IQCH: variants seen among roughly 807,000 people sequenced by gnomAD.
IQCH encodes IQ domain-containing protein H.
In IQCH, 98 loss-of-function variants were observed where a neutral mutation model predicts 117.0. The ratio of observed to expected loss-of-function variants is 0.84; its 90% CI spans 0.71 to 0.99. The LOEUF is 0.99. Ranked by LOEUF, IQCH falls within the 50% of genes least tolerant of loss-of-function variation. The pLI, the probability that IQCH is intolerant of heterozygous loss-of-function variation, is 0.00. For missense variants in IQCH, 1,102 were observed against 1,243.8 expected, an observed-to-expected ratio of 0.89 and a Z score of 1.72; for synonymous variants, 412 against 448.2, an observed-to-expected ratio of 0.92 and a Z score of 1.02.
chr15:67,367,449 G>A (rs11637059), intron 8 of IQCH, among the ~76,000 whole-genome samples: 67,472 of 151,856 alleles, frequency 0.44, 15,529 homozygotes, highest in Non-Finnish European at 0.52. Flanking sequence ...TGAGGTGAGA[G>A]GATCACTTGT....
intron 5 of IQCH, among the ~76,000 whole-genome samples, chr15:67,339,546 A>T (rs1322762031): frequency 1.3e-5 from 2 of 152,206 alleles, no homozygotes; most frequent in Non-Finnish European, 2.9e-5. Context: ...ATGATCAGTT[A>T]TTTACAAAGT....
intron 12 of IQCH, 150 bp downstream of exon 12, chr15:67,389,156 A>T: frequency 1.6e-6 from 1 of 637,804 alleles, no homozygotes; most frequent in South Asian, 2.3e-5. Context: ...GGTCTGTAGG[A>T]AATAAATATT....
chr15:67,366,891 A>G lies in IQCH; in HGVS notation c.754-5220A>G, dbSNP rs1450001507. On this transcript the variant is annotated intron_variant, in intron 8 of 20. Coordinates refer to ENST00000335894, the MANE Select transcript of IQCH (RefSeq NM_001031715.3). This position sits in a 1 kb window ranked among gnomAD's most constrained non-coding sequence, Gnocchi z 4.4. ...AGAAAGAGTTTTCTATCTGAAAAAT[A>G]GAATACGAAAAAAATCCCCCAGGTT... Among the ~76,000 whole-genome samples, 1 of 152,206 alleles carries G rather than the reference A, an allele frequency of 6.6e-6. No individual in the cohort carries two copies. The highest frequency in any genetic ancestry group is 1.5e-5 in the Non-Finnish European group (1 of 68,042).
At position 67,459,851 on chromosome 15, in the gene IQCH, A is replaced by G. The variant is rs1380795730; in HGVS notation, c.2506-5276A>G. The stretch of plus-strand genomic sequence containing the variant: ...AATGCACTTCTTTACAACCAATCCA[A>G]TAGAAATAGAATTCAGCCAGGCATA... On this transcript the variant is annotated intron_variant, in intron 16 of 20. Transcript: ENST00000335894. This position sits in a 1 kb window ranked among gnomAD's most constrained non-coding sequence, Gnocchi z 4.2. 1 of 152,212 alleles carries G rather than the reference A, an allele frequency of 6.6e-6. No individual in the cohort carries two copies. Among genetic ancestry groups the G allele is most frequent in the African/African-American group, 2.4e-5 (1 of 41,438 alleles). 9.4% of individuals were successfully genotyped at this position (152,212 alleles called of 1,614,324 possible).
chr15:67,347,079 T>C (rs1250439866), intron 6 of IQCH, among the ~76,000 whole-genome samples: 1 of 150,770 alleles, frequency 6.6e-6, no homozygotes, highest in Non-Finnish European at 1.5e-5. Context: ...AAAGAAGAAA[T>C]ATCTCAGATT....
At chr15:67,313,594 C>T (rs1967704864) in intron 4 of IQCH, among the ~76,000 whole-genome samples, 1 of 152,074 alleles carries the variant, frequency 6.6e-6, no homozygotes, top group Non-Finnish European at 1.5e-5. Flanking sequence ...CAAGCAAAGG[C>T]AGAGGTAGAG....
At position 67,447,931 on chromosome 15, in the gene IQCH, A is replaced by G. The variant is rs2082426353; in HGVS notation, c.2506-17196A>G. Among the ~76,000 whole-genome samples the G allele has an allele frequency of 6.6e-6, 1 of 152,214 alleles. No homozygotes were observed. The highest frequency in any genetic ancestry group is 6.5e-5 in the Admixed American group (1 of 15,284). The stretch of plus-strand genomic sequence containing the variant: ...ATCATGACTGCTTATGGTGGCCCAT[A>G]TATTAACCCTCACTGGGCATTAATT... On this transcript the variant is annotated intron_variant, in intron 16 of 20. Transcript: ENST00000335894. The surrounding 1 kb of genome is among the most constrained non-coding windows in gnomAD (Gnocchi z 5.3).
rs1458296256 is a variant in IQCH at position 67,447,448 on chromosome 15, T to C, written c.2506-17679T>C. Among the ~76,000 whole-genome samples the C allele has an allele frequency of 1.3e-5, 2 of 152,204 alleles. No homozygotes were observed. Among genetic ancestry groups the C allele is most frequent in the Non-Finnish European group, 2.9e-5 (2 of 68,030 alleles). Reference sequence around the variant, plus strand: ...ATGGAATCCAGATTCATCTCTCAGATAACTGAATCCAAAAGGTTCCCTTAT... The same window carrying C: ...ATGGAATCCAGATTCATCTCTCAGACAACTGAATCCAAAAGGTTCCCTTAT... On this transcript the variant is annotated intron_variant, in intron 16 of 20. Coordinates refer to ENST00000335894, the MANE Select transcript of IQCH (RefSeq NM_001031715.3). The surrounding 1 kb of genome is among the most constrained non-coding windows in gnomAD (Gnocchi z 5.3).
chr15:67,298,469 C>G (rs1966875978), intron 4 of IQCH, among the ~76,000 whole-genome samples: 1 of 152,048 alleles, frequency 6.6e-6, no homozygotes, highest in Non-Finnish European at 1.5e-5. Context: ...CAGGCAATAA[C>G]AAATGCTGGC....
intron 7 of IQCH, among the ~76,000 whole-genome samples, chr15:67,358,556 T>C (rs1213458110): frequency 6.6e-6 from 1 of 152,106 alleles, no homozygotes; most frequent in African/African-American, 2.4e-5. Context: ...CTTATGGAGA[T>C]TCCCCCAGTT....
At chr15:67,378,074 C>T (rs1297897168) in intron 10 of IQCH, among the ~76,000 whole-genome samples, 1 of 152,114 alleles carries the variant, frequency 6.6e-6, no homozygotes, top group Non-Finnish European at 1.5e-5. Context: ...ATATGCTGAA[C>T]TGAGAAAGTC....
chr15:67,348,889 G>T (rs1015297610), intron 6 of IQCH, among the ~76,000 whole-genome samples: 4 of 152,174 alleles, frequency 2.6e-5, no homozygotes, highest in African/African-American at 9.7e-5. Flanking sequence ...GGACCGTGTG[G>T]TATTGGCAAA....
rs10468042 is a variant in IQCH at position 67,480,895 on chromosome 15, T to C, written c.2799+5077T>C. ...GCCGACTGCATTTGGCAAGGTATTATACAAAAAATATGAGCTTCTGAATGA... is the reference window on the plus strand; with the variant it reads ...GCCGACTGCATTTGGCAAGGTATTACACAAAAAATATGAGCTTCTGAATGA... On this transcript the variant is annotated intron_variant, in intron 18 of 20. Coordinates refer to ENST00000335894, the MANE Select transcript of IQCH (RefSeq NM_001031715.3). 6.1e-3 allele frequency among the ~76,000 whole-genome samples: 929 copies of C among 151,994 alleles called. 5 individuals are homozygous for C. Among genetic ancestry groups the C allele is most frequent in the Non-Finnish European group, 0.011 (740 of 67,990 alleles).
intron 6 of IQCH, among the ~76,000 whole-genome samples, chr15:67,346,011 T>C (rs946008458): frequency 6.6e-6 from 1 of 152,128 alleles, no homozygotes; most frequent in African/African-American, 2.4e-5. Context: ...AAATAAATTA[T>C]AGGACTAGAC....
intron 6 of IQCH, among the ~76,000 whole-genome samples, chr15:67,350,740 A>G (rs1170345200): frequency 1.3e-5 from 2 of 152,008 alleles, no homozygotes; most frequent in African/African-American, 2.4e-5. Context: ...ATTATTTTAT[A>G]TCTTGATTGT....
Position 67,401,730 on chromosome 15 carries a change from A to G in IQCH, c.2097+1425A>G, listed in dbSNP as rs907329666. ...AAATGGACTAAATGCAGTACCTGTCATGGCCAGCTTTTTACATATTATTTA... is the reference window on the plus strand; with the variant it reads ...AAATGGACTAAATGCAGTACCTGTCGTGGCCAGCTTTTTACATATTATTTA... On this transcript the variant is annotated intron_variant, in intron 14 of 20. Transcript: ENST00000335894. This position sits in a 1 kb window ranked among gnomAD's most constrained non-coding sequence, Gnocchi z 4.7. Among the ~76,000 whole-genome samples, 2 of 152,180 alleles carry G rather than the reference A, an allele frequency of 1.3e-5. No individual in the cohort carries two copies. The highest frequency in any genetic ancestry group is 2.9e-5 in the Non-Finnish European group (2 of 68,036).
Position 67,344,173 on chromosome 15 carries a change from CG to C in IQCH, c.620del (p.Arg207LeufsTer6), listed in dbSNP as rs1969287791. 1.9e-6 allele frequency: 3 copies of C among 1,613,246 alleles called. No individual in the cohort carries two copies. The Admixed American group carries it at 5.0e-5, about 27-fold the overall frequency. ...TCCTCTGCATAGTTTTGATGAAGCA[CG>C]TAAGATTCCAACTGTAGGTAAGATA... ...AAPLHSFDEARKIPTVATFTI... is the reference protein window; with the variant it reads ...AAPLHSFDEAXKIPTVATFTI... On this transcript the variant is annotated frameshift_variant, in exon 6 of 21. Transcript: ENST00000335894. LOFTEE classifies it high-confidence loss of function.
intron 16 of IQCH, 137 bp downstream of exon 16, chr15:67,421,714 C>T: frequency 1.2e-6 from 1 of 851,162 alleles, no homozygotes; most frequent in Non-Finnish European, 1.8e-6. Flanking sequence ...AAATTCAACA[C>T]CTATATGGCC....
rs972353625 is a variant in IQCH, at chr15:67,411,444, T to C, written c.2098-5487T>C. On this transcript the variant is annotated intron_variant, in intron 14 of 20. Transcript: ENST00000335894. The surrounding 1 kb of genome is among the most constrained non-coding windows in gnomAD (Gnocchi z 4.4). ...TTTTCAGGTCATTGTCTTGCCCTTT[T>C]CACTCTCCAGTCCTTCATGTAGGGA... 2.6e-5 allele frequency among the ~76,000 whole-genome samples: 4 copies of C among 152,224 alleles called. No individual in the cohort carries two copies. The highest frequency in any genetic ancestry group is 9.6e-5 in the African/African-American group (4 of 41,464).
Sources: allele counts gnomAD v4.1 joint callset (sites outside exome capture counted in the v4.1 genomes callset), GRCh38; gene constraint gnomAD v4.1.1; non-coding constraint Gnocchi (gnomAD v3.1); transcripts MANE v1.5; gene names NCBI Gene and HGNC (gene_info 2026-07-23, HGNC 2026-07-21).